SASH1: variants seen among roughly 807,000 people sequenced by gnomAD.
The protein encoded by SASH1 is SAM and SH3 domain containing 1.
Under a neutral mutation model 125.2 loss-of-function variants are expected in SASH1, and 44 were observed. That is an observed-to-expected ratio of 0.35 (90% CI 0.28 to 0.45). SASH1 has a LOEUF of 0.45. Among genes scored for constraint, SASH1 ranks in the 20% least tolerant of loss-of-function variants. The pLI is 1.00. For synonymous variants in SASH1, 639 were observed against 649.1 expected, an observed-to-expected ratio of 0.98 and a Z score of 0.24; for missense variants, 1,426 against 1,614.5, an observed-to-expected ratio of 0.88 and a Z score of 2.00.
chr6:148,223,568 G>A, the SASH1 span, among the ~76,000 whole-genome samples: 1 of 152,248 alleles, frequency 6.6e-6, no homozygotes, highest in East Asian at 1.9e-4. Flanking sequence ...TCCTAACAAT[G>A]TTCGCTCATG....
At position 148,325,261 on chromosome 6, in the gene SASH1, T is replaced by TTTGTTG. The variant is rs1554235037; in HGVS notation, n.74+52908_74+52913dup. 4.1e-3 allele frequency among the ~76,000 whole-genome samples: 609 copies of TTTGTTG among 149,990 alleles called. 3 individuals are homozygous for TTTGTTG. Among genetic ancestry groups the TTTGTTG allele is most frequent in the African/African-American group, 0.012 (475 of 40,794 alleles). Reference sequence around the variant, plus strand: ...AGAGTGAAATAGGGGAAAAGCCTCTTTTGTTGTTGTTGTTGTTGTTGTTGT... The same window carrying TTTGTTG: ...AGAGTGAAATAGGGGAAAAGCCTCTTTTGTTGTTGTTGTTGTTGTTGTTGTTGTTGT... On this transcript the variant is annotated intron_variant and non_coding_transcript_variant, in intron 1 of 3. Coordinates refer to the SASH1 transcript ENST00000367469.
chr6:148,508,814 A>AG (rs1321355142), intron 8 of SASH1: 34 of 654,130 alleles, frequency 5.2e-5, no homozygotes, highest in Non-Finnish European at 7.2e-5. Flanking sequence ...CCGAGTGGGG[A>AG]GGGGGGTGGG....
chr6:148,359,277 GC>G (rs1782091774), intron 1 of SASH1, among the ~76,000 whole-genome samples: 1 of 150,750 alleles, frequency 6.6e-6, no homozygotes. Context: ...TCCTGCCTCG[GC>G]CTCCTGAGTA....
At chr6:148,296,493 G>A (rs1213970909) in intron 1 of SASH1, among the ~76,000 whole-genome samples, 1 of 152,136 alleles carries the variant, frequency 6.6e-6, no homozygotes, top group Non-Finnish European at 1.5e-5. Context: ...TTACTTAGCA[G>A]TTACTATGTT....
the SASH1 span, among the ~76,000 whole-genome samples, chr6:148,249,576 C>G: frequency 6.6e-6 from 1 of 152,140 alleles, no homozygotes; most frequent in South Asian, 2.1e-4. Context: ...TTGACCTTGA[C>G]CGATTTACCT....
At chr6:148,450,416 A>G (rs1777036620) in intron 4 of SASH1, among the ~76,000 whole-genome samples, 1 of 152,054 alleles carries the variant, frequency 6.6e-6, no homozygotes, top group Admixed American at 6.6e-5. Flanking sequence ...GATTACCCAA[A>G]TGCCCCCTTG....
intron 1 of SASH1, among the ~76,000 whole-genome samples, chr6:148,310,884 T>C (rs565077036): frequency 1.3e-5 from 2 of 152,276 alleles, no homozygotes; most frequent in Non-Finnish European, 2.9e-5. Flanking sequence ...GCATTGCCTA[T>C]TGGAATAGAA....
intron 16 of SASH1, among the ~76,000 whole-genome samples, chr6:148,535,781 C>T (rs1781805632): frequency 1.3e-5 from 2 of 152,154 alleles, no homozygotes; most frequent in African/African-American, 2.4e-5. Flanking sequence ...TTTCCAGTTA[C>T]TGAATTCAAA....
At chr6:148,381,473 A>T (rs1783128127) in intron 1 of SASH1, among the ~76,000 whole-genome samples, 1 of 152,076 alleles carries the variant, frequency 6.6e-6, no homozygotes, top group East Asian at 1.9e-4. Flanking sequence ...ACCTTGGGGA[A>T]TCATTGCATG....
chr6:148,307,547 G>A (rs549881665), intron 1 of SASH1, among the ~76,000 whole-genome samples: 17 of 152,180 alleles, frequency 1.1e-4, no homozygotes, highest in Admixed American at 9.2e-4. Flanking sequence ...AACAGGTTCC[G>A]TGGCTGCCCC....
At chr6:148,387,628 C>CCTTCCTTCCTTCCT (rs1783489470) in intron 1 of SASH1, among the ~76,000 whole-genome samples, 2 of 33,882 alleles carry the variant, frequency 5.9e-5, no homozygotes, top group Admixed American at 8.1e-4. Context: ...TTCTTTCTTT[C>CCTTCCTTCCTTCCT]TTTCTTTCTT....
At chr6:148,326,336 A>ATATATATATATATATATG (rs1780805496) in intron 1 of SASH1, among the ~76,000 whole-genome samples, 1 of 63,748 alleles carries the variant, frequency 1.6e-5, no homozygotes, top group Non-Finnish European at 3.1e-5. Flanking sequence ...ATATATATAT[A>ATATATATATATATATATG]TATATATATA....
Position 148,321,879 on chromosome 6 carries a change from G to C in SASH1, n.74+49502G>C, listed in dbSNP as rs552981434. Among the ~76,000 whole-genome samples the C allele has an allele frequency of 8.5e-5, 13 of 152,216 alleles. No homozygotes were observed. In the East Asian group the frequency reaches 1.5e-3, roughly 18 times the overall value. ...TTAATAGGAAAGGAGGAGTCTATTT[G>C]ATCTTTAAAAGAGAAAACTCCTACA... On this transcript the variant is annotated intron_variant and non_coding_transcript_variant, in intron 1 of 3. Coordinates refer to the SASH1 transcript ENST00000367469.
At chr6:148,520,184 C>G in intron 10 of SASH1, 1 of 364,110 alleles carries the variant, frequency 2.7e-6, no homozygotes, top group Non-Finnish European at 5.1e-6. Context: ...ATATCACCTA[C>G]GTGGTGGAGC....
chr6:148,496,203 C>T (rs1191132923), intron 8 of SASH1, among the ~76,000 whole-genome samples: 3 of 152,140 alleles, frequency 2.0e-5, no homozygotes, highest in Non-Finnish European at 2.9e-5. Flanking sequence ...AAGCGTTTTG[C>T]TTTTTAATGG....
intron 8 of SASH1, chr6:148,508,703 G>A: frequency 8.4e-7 from 1 of 1,197,068 alleles, no homozygotes; most frequent in Non-Finnish European, 1.1e-6. Flanking sequence ...TGTGACGGTG[G>A]AGCCTGCCTG....
chr6:148,333,623 G>A (rs1005580257), intron 1 of SASH1, among the ~76,000 whole-genome samples: 1 of 152,244 alleles, frequency 6.6e-6, no homozygotes, highest in Non-Finnish European at 1.5e-5. Flanking sequence ...GTGCAATGGC[G>A]CGATCTCGGC....
the SASH1 span, among the ~76,000 whole-genome samples, chr6:148,244,662 CTGT>C: frequency 6.6e-6 from 1 of 152,038 alleles, no homozygotes; most frequent in Non-Finnish European, 1.5e-5. Flanking sequence ...GAAGCTCCTG[CTGT>C]TGTTGTTGCT....
At chr6:148,357,414 C>T (rs1334136142) in intron 1 of SASH1, among the ~76,000 whole-genome samples, 1 of 152,122 alleles carries the variant, frequency 6.6e-6, no homozygotes, top group Non-Finnish European at 1.5e-5. Context: ...GCACACTGCC[C>T]CACAGGGTGG....
Sources: allele counts gnomAD v4.1 joint callset (sites outside exome capture counted in the v4.1 genomes callset), GRCh38; gene constraint gnomAD v4.1.1; transcripts MANE v1.5; gene names NCBI Gene and HGNC (gene_info 2026-07-23, HGNC 2026-07-21).